RGL1: variants seen among roughly 807,000 people sequenced by gnomAD.
RGL1 encodes the protein ral guanine nucleotide dissociation stimulator like 1.
Under a neutral mutation model 95.2 loss-of-function variants are expected in RGL1, and 24 were observed. The ratio of observed to expected loss-of-function variants is 0.25; its 90% CI spans 0.18 to 0.35. The LOEUF is 0.35. Ranked by LOEUF, RGL1 falls within the 10% of genes least tolerant of loss-of-function variation. The pLI, the probability that RGL1 is intolerant of heterozygous loss-of-function variation, is 1.00. For synonymous variants in RGL1, 329 were observed against 344.9 expected (o/e 0.95, Z 0.51); for missense variants, 715 against 936.3 (o/e 0.76, Z 3.08).
At chr1:183,892,421 A>G (rs537185008) in intron 9 of RGL1, among the ~76,000 whole-genome samples, 1 of 152,242 alleles carries the variant, frequency 6.6e-6, no homozygotes. Context: ...TCATATGTGT[A>G]TGTACCTCCT....
At chr1:183,831,355 G>T (rs1467183118) in intron 2 of RGL1, among the ~76,000 whole-genome samples, 1 of 152,142 alleles carries the variant, frequency 6.6e-6, no homozygotes, top group African/African-American at 2.4e-5. Context: ...GTGTGGTTGG[G>T]GCCTAGAGAG....
intron 1 of RGL1, among the ~76,000 whole-genome samples, chr1:183,720,091 TA>T (rs1558171152): frequency 6.6e-6 from 1 of 151,860 alleles, no homozygotes; most frequent in Non-Finnish European, 1.5e-5. Flanking sequence ...AAATTAGCGT[TA>T]AAAAAATAGA....
At chr1:183,649,150 A>G (rs1227055145) in intron 1 of RGL1, among the ~76,000 whole-genome samples, 3 of 152,230 alleles carry the variant, frequency 2.0e-5, no homozygotes, top group African/African-American at 7.2e-5. Flanking sequence ...GTTATTTAAC[A>G]TTTGGGAGCC....
chr1:183,807,117 C>G (rs1206418056), intron 2 of RGL1, among the ~76,000 whole-genome samples: 2 of 152,136 alleles, frequency 1.3e-5, no homozygotes, highest in African/African-American at 2.4e-5. Flanking sequence ...TGGGTGAGGT[C>G]ATGCAAGTTT....
chr1:183,735,585 T>C (rs1472903164), intron 1 of RGL1, among the ~76,000 whole-genome samples: 1 of 152,132 alleles, frequency 6.6e-6, no homozygotes, highest in East Asian at 1.9e-4. Flanking sequence ...CTTATATAGA[T>C]AGACTTGAAA....
intron 8 of RGL1, among the ~76,000 whole-genome samples, chr1:183,890,840 A>G (rs559555699): frequency 4.6e-5 from 7 of 152,272 alleles, no homozygotes; most frequent in East Asian, 1.9e-4. Flanking sequence ...GGTGATAGCT[A>G]AAGGGTAGAG....
intron 12 of RGL1, 37 bp from the exon 13 acceptor site, chr1:183,904,813 C>CTT: frequency 2.9e-6 from 4 of 1,386,736 alleles, no homozygotes; most frequent in Non-Finnish European, 3.9e-6. Flanking sequence ...ATTATTCAGT[C>CTT]TTTTTTTTTT....
At chr1:183,681,040 G>A (rs1439539344) in intron 1 of RGL1, among the ~76,000 whole-genome samples, 7 of 152,180 alleles carry the variant, frequency 4.6e-5, no homozygotes, top group Non-Finnish European at 1.0e-4. Flanking sequence ...CTGAGACTTT[G>A]CTGAAACTGT....
intron 4 of RGL1, among the ~76,000 whole-genome samples, chr1:183,867,663 G>T (rs67284975): frequency 0.13 from 20,010 of 151,958 alleles, 1,729 homozygotes; most frequent in Middle Eastern, 0.26. Context: ...AAAGATGGAA[G>T]ATATTTTATG....
intron 2 of RGL1, among the ~76,000 whole-genome samples, chr1:183,768,027 G>A (rs1289897424): frequency 6.6e-6 from 1 of 151,980 alleles, no homozygotes; most frequent in South Asian, 2.1e-4. Context: ...AAGACTAAGA[G>A]CTTTAACTAT....
intron 1 of RGL1, among the ~76,000 whole-genome samples, chr1:183,658,411 G>A (rs1466331745): frequency 3.3e-5 from 5 of 152,200 alleles, no homozygotes; most frequent in South Asian, 2.1e-4. Context: ...ATTATGTCCC[G>A]CACCTGGCTC....
At chr1:183,767,562 T>C (rs1318819808) in intron 2 of RGL1, among the ~76,000 whole-genome samples, 1 of 152,196 alleles carries the variant, frequency 6.6e-6, no homozygotes, top group African/African-American at 2.4e-5. Flanking sequence ...TAGTACTATC[T>C]ATGCAGAATA....
chr1:183,828,564 C>T (rs1030872242), intron 2 of RGL1, among the ~76,000 whole-genome samples: 23 of 152,176 alleles, frequency 1.5e-4, no homozygotes, highest in African/African-American at 5.6e-4. Context: ...TCTTTCGACT[C>T]TTGGCTCTGT....
At chr1:183,894,546 T>C (rs1667585794) in intron 9 of RGL1, among the ~76,000 whole-genome samples, 1 of 152,192 alleles carries the variant, frequency 6.6e-6, no homozygotes, top group Non-Finnish European at 1.5e-5. Flanking sequence ...ATTCTGAGTG[T>C]AAATTGTCAG....
chr1:183,817,183 C>T (rs1662145277), intron 2 of RGL1, among the ~76,000 whole-genome samples: 1 of 152,172 alleles, frequency 6.6e-6, no homozygotes, highest in African/African-American at 2.4e-5. Context: ...GACTTGAACT[C>T]ATGACCTAAT....
chr1:183,876,385 A>T (rs1333046781), intron 4 of RGL1, among the ~76,000 whole-genome samples: 1 of 152,230 alleles, frequency 6.6e-6, no homozygotes, highest in African/African-American at 2.4e-5. Flanking sequence ...GTTGCCAAGA[A>T]TGCCTGAGGT....
chr1:183,685,531 A>G (rs911693176), intron 1 of RGL1, among the ~76,000 whole-genome samples: 1 of 152,238 alleles, frequency 6.6e-6, no homozygotes, highest in Admixed American at 6.5e-5. Flanking sequence ...ATACAATTAC[A>G]TTAAATGTTA....
chr1:183,725,713 C>CTTTT (rs1284739140), intron 1 of RGL1, among the ~76,000 whole-genome samples: 38 of 152,248 alleles, frequency 2.5e-4, no homozygotes, highest in African/African-American at 8.9e-4. Flanking sequence ...AAAGATAAAT[C>CTTTT]TACAATTATA....
chr1:183,912,348 T>G (rs1430579498), intron 15 of RGL1, 80 bp downstream of exon 15: 37 of 1,164,910 alleles, frequency 3.2e-5, no homozygotes, highest in Non-Finnish European at 4.5e-5. Context: ...GAATGTCTGT[T>G]TTTAAGTGGA....
Sources: allele counts gnomAD v4.1 joint callset (sites outside exome capture counted in the v4.1 genomes callset), GRCh38; gene constraint gnomAD v4.1.1; transcripts MANE v1.5; gene names NCBI Gene and HGNC (gene_info 2026-07-23, HGNC 2026-07-21).